ITPR3: variants seen among roughly 807,000 people sequenced by gnomAD.
ITPR3 encodes the protein inositol 1,4,5-trisphosphate-gated calcium channel ITPR3.
In ITPR3, 173 loss-of-function variants were observed where a neutral mutation model predicts 293.2. That is an observed-to-expected ratio of 0.59 (90% confidence interval 0.52 to 0.67). The LOEUF is 0.67. ITPR3 is among the 30% of genes least tolerant of loss of function. The pLI, the probability that ITPR3 is intolerant of heterozygous loss-of-function variation, is 0.00. For synonymous variants in ITPR3, 1,295 were observed against 1,444.4 expected (o/e 0.90, Z 2.35); for missense variants, 2,796 against 3,592.1 (o/e 0.78, Z 5.66).
intron 1 of ITPR3, among the ~76,000 whole-genome samples, chr6:33,626,654 G>C (rs1339120555): frequency 6.6e-6 from 1 of 152,228 alleles, no homozygotes; most frequent in Non-Finnish European, 1.5e-5. Context: ...TGCAGAATCA[G>C]TGGTACCCAA....
Position 33,682,705 on chromosome 6 carries a change from C to T in ITPR3, c.4597+61C>T, listed in dbSNP as rs1006564971. The T allele has an allele frequency of 5.8e-5, 90 of 1,539,122 alleles. No homozygotes were observed. Among genetic ancestry groups the T allele is most frequent in the Non-Finnish European group, 6.9e-5 (80 of 1,151,636 alleles). On this transcript the variant is annotated intron_variant, in intron 34 of 57. Coordinates refer to ENST00000605930, the MANE Select transcript of ITPR3 (RefSeq NM_002224.4). This position sits in a 1 kb window ranked among gnomAD's most constrained non-coding sequence, Gnocchi z 5.4. ...CTCCTCCTGCCGCTCACAGTGGGGA[C>T]GCCTGCCCTCCTAATAAACACTTTA...
At position 33,683,068 on chromosome 6, in the gene ITPR3, C is replaced by T. The variant is rs1347821198; in HGVS notation, c.4598-139C>T. The T allele has an allele frequency of 2.3e-5, 12 of 518,700 alleles. No homozygotes were observed. The highest frequency in any genetic ancestry group is 1.8e-4 in the Admixed American group (3 of 16,914). The allele number at this position is 518,700 out of a possible 1,614,324, so 32.1% of individuals were successfully genotyped here. ...GCCTCTCAGTCCCTCAAGCATAGGC[C>T]GGGGTGGGGGGGGTCTCTGTCTCCC... On this transcript the variant is annotated intron_variant, in intron 34 of 57. Coordinates refer to ENST00000605930, the MANE Select transcript of ITPR3 (RefSeq NM_002224.4). The surrounding 1 kb of genome is among the most constrained non-coding windows in gnomAD (Gnocchi z 4.5).
At chr6:33,689,038 A>G (rs1184578648) in intron 49 of ITPR3, among the ~76,000 whole-genome samples, 200 bp from the exon 50 acceptor site, 2 of 152,222 alleles carry the variant, frequency 1.3e-5, no homozygotes, top group Admixed American at 6.5e-5. Context: ...TCAGCCAGAA[A>G]CAAAACCTGG....
chr6:33,676,836 G>A lies in ITPR3; in HGVS notation c.3351G>A (p.Leu1117=). 6.2e-7 allele frequency: 1 copy of A among 1,614,158 alleles called. No homozygotes were observed. Among genetic ancestry groups the A allele is most frequent in the Non-Finnish European group, 8.5e-7 (1 of 1,179,996 alleles). Reference sequence around the variant, plus strand: ...TGATCAAGTCGGAGCTGGACCGGCTGCGGACCATGGTGGAGAAGTCAGAGC... The same window carrying A: ...TGATCAAGTCGGAGCTGGACCGGCTACGGACCATGGTGGAGAAGTCAGAGC... The part of the protein sequence containing the change: ...YKVIKSELDR[L]RTMVEKSELW... Residue 1117 remains leucine (L), a synonymous_variant, in exon 26 of 58, where the codon CTG becomes CTA. Coordinates refer to ENST00000605930, the MANE Select transcript of ITPR3 (RefSeq NM_002224.4).
chr6:33,695,652 C>T, intron 57 of ITPR3, 60 bp from the exon 58 acceptor site: 1 of 1,531,904 alleles, frequency 6.5e-7, no homozygotes, highest in Non-Finnish European at 9.0e-7. Context: ...TTCCACAGCA[C>T]CCATGGAGGG....
Position 33,667,787 on chromosome 6 carries a change from C to G in ITPR3, c.1714-5C>G, listed in dbSNP as rs200888383. ...CTGTGACCCCCAGCCTGTCTGCCCCCCCAGGAGCACATTGCCAAGCAGTTT... is the reference window on the plus strand; with the variant it reads ...CTGTGACCCCCAGCCTGTCTGCCCCGCCAGGAGCACATTGCCAAGCAGTTT... On this transcript the variant is annotated splice_polypyrimidine_tract_variant and splice_region_variant and intron_variant, in intron 15 of 57. Coordinates refer to ENST00000605930, the MANE Select transcript of ITPR3 (RefSeq NM_002224.4). The surrounding 1 kb of genome is among the most constrained non-coding windows in gnomAD (Gnocchi z 4.4). 3.0e-5 allele frequency: 49 copies of G among 1,613,946 alleles called. No homozygotes were observed. Among genetic ancestry groups the G allele is most frequent in the South Asian group, 1.3e-4 (12 of 91,070 alleles).
chr6:33,687,590 TG>T lies in ITPR3; in HGVS notation c.6264+31del. The T allele has an allele frequency of 8.4e-7, 1 of 1,196,020 alleles. No individual in the cohort carries two copies. Among genetic ancestry groups the T allele is most frequent in the Non-Finnish European group, 1.2e-6 (1 of 825,834 alleles). The allele number at this position is 1,196,020 out of a possible 1,614,324, so 74.1% of individuals were successfully genotyped here. A position where few individuals can be genotyped will look rare whatever the true frequency, so the allele number is the denominator to read the frequency against. ...GTGGGTGCTGGCCCCGAGACTGGGGTGGGGGTGGGGCCTGGAACCCAGGGAG... is the reference window on the plus strand; with the variant it reads ...GTGGGTGCTGGCCCCGAGACTGGGGTGGGGTGGGGCCTGGAACCCAGGGAG... On this transcript the variant is annotated intron_variant, in intron 46 of 57. Coordinates refer to ENST00000605930, the MANE Select transcript of ITPR3 (RefSeq NM_002224.4). The surrounding 1 kb of genome is among the most constrained non-coding windows in gnomAD (Gnocchi z 5.3).
chr6:33,694,675 A>G (rs980142483), intron 56 of ITPR3: 2 of 520,194 alleles, frequency 3.8e-6, no homozygotes, highest in African/African-American at 3.9e-5. Flanking sequence ...AAGGACTCAA[A>G]CTCAGCTGCC....
At chr6:33,637,998 T>C (rs1208973153) in intron 1 of ITPR3, among the ~76,000 whole-genome samples, 6 of 150,872 alleles carry the variant, frequency 4.0e-5, no homozygotes. Context: ...GTTTTTTGTT[T>C]TGTTTTGTTT....
Position 33,687,265 on chromosome 6 carries a change from C to A in ITPR3, c.6115C>A (p.Arg2039Ser), listed in dbSNP as rs150307621. 6.2e-7 allele frequency: 1 copy of A among 1,613,582 alleles called. No homozygotes were observed. Among genetic ancestry groups the A allele is most frequent in the Non-Finnish European group, 8.5e-7 (1 of 1,179,608 alleles). ...GAAGGCCTACCTGCAGGAGGAAGAG[C>A]GTGAGAACTCGGAGGTGAGCCCACG... ...IKKAYLQEEE[R>S]ENSEVSPREV... The change falls in exon 45 of 58, where the codon CGT becomes AGT. Residue 2039 changes from arginine to serine, a missense_variant. Transcript: ENST00000605930. The surrounding 1 kb of genome is among the most constrained non-coding windows in gnomAD (Gnocchi z 5.3).
At chr6:33,693,360 A>C (rs1175017814) in intron 55 of ITPR3, among the ~76,000 whole-genome samples, 185 bp from the exon 56 acceptor site, 1 of 152,158 alleles carries the variant, frequency 6.6e-6, no homozygotes, top group Non-Finnish European at 1.5e-5. Flanking sequence ...GCGGCAGGGC[A>C]GGATCTCCAC....
In ITPR3 at chr6:33,695,023, C is replaced by T. The variant is rs1460072685; in HGVS notation, c.7885C>T (p.Leu2629Phe). 4 of 1,614,126 alleles carry T rather than the reference C, an allele frequency of 2.5e-6. No individual in the cohort carries two copies. Among genetic ancestry groups the T allele is most frequent in the South Asian group, 1.1e-5 (1 of 91,080 alleles). ...QNEIRILQDK[L>F]NSTMKLVSHL... ...TGAGATTCGGATTCTCCAGGACAAG[C>T]TCAACTCCACCATGAAGCTGGTGTC... Residue 2629 changes from leucine (L) to phenylalanine (F), a missense_variant, in exon 57 of 58, where the codon CTC (leucine) becomes TTC (phenylalanine). Around this residue, in one of 8 missense-constraint regions of ITPR3, gnomAD observed 568 missense variants for 796.1 expected, o/e 0.71. Transcript: ENST00000605930.
intron 2 of ITPR3, among the ~76,000 whole-genome samples, chr6:33,653,216 A>AT (rs1219783217): frequency 6.8e-6 from 1 of 146,710 alleles, no homozygotes; most frequent in East Asian, 2.0e-4. Flanking sequence ...CTAATTTTTT[A>AT]TTTTTTTAAA....
Position 33,686,528 on chromosome 6 carries a change from C to T in ITPR3, c.5979+9C>T. ...TGGTGCTGCAGCTCAAGGTGGGGCC[C>T]AGTGGCAGGTGTGTGAGTGCTGGGT... On this transcript the variant is annotated intron_variant, in intron 43 of 57. Transcript: ENST00000605930. 6.2e-7 allele frequency: 1 copy of T among 1,605,854 alleles called. No homozygotes were observed. Among genetic ancestry groups the T allele is most frequent in the Non-Finnish European group, 8.5e-7 (1 of 1,172,468 alleles).
chr6:33,648,206 C>A (rs1205110259), intron 2 of ITPR3, among the ~76,000 whole-genome samples: 1 of 151,898 alleles, frequency 6.6e-6, no homozygotes, highest in Non-Finnish European at 1.5e-5. Context: ...GCTGGGATTA[C>A]AGGTGTGCGT....
chr6:33,626,293 A>C (rs1343974522), intron 1 of ITPR3, among the ~76,000 whole-genome samples: 2 of 152,120 alleles, frequency 1.3e-5, no homozygotes, highest in East Asian at 3.9e-4. Flanking sequence ...GTCAGCCTGC[A>C]TTATCCTCTA....
chr6:33,668,937 A>G, intron 17 of ITPR3, 37 bp from the exon 18 acceptor site: 1 of 1,604,208 alleles, frequency 6.2e-7, no homozygotes, highest in Non-Finnish European at 8.5e-7. Context: ...AGTGCCCTGG[A>G]CCTGGCTCCC....
intron 29 of ITPR3, 41 bp from the exon 30 acceptor site, chr6:33,678,597 GC>G (rs1166002128): frequency 6.4e-7 from 1 of 1,570,074 alleles, no homozygotes; most frequent in Non-Finnish European, 8.7e-7. Flanking sequence ...GGGGGTGGGG[GC>G]GGGGCCCAGA....
chr6:33,668,729 G>C (rs1319308878), intron 17 of ITPR3, 95 bp downstream of exon 17: 2 of 1,565,752 alleles, frequency 1.3e-6, no homozygotes, highest in Non-Finnish European at 1.7e-6. Flanking sequence ...GGCTGGAACT[G>C]GCACCCTTGC....
Sources: gnomAD v4.1 joint callset for allele counts (sites outside exome capture counted in the v4.1 genomes callset) on GRCh38, gnomAD v4.1.1 for gene constraint, gnomAD v4.1.1 regional missense constraint, Gnocchi (gnomAD v3.1) non-coding constraint, MANE v1.5 for transcripts, NCBI Gene and HGNC (gene_info 2026-07-23, HGNC 2026-07-21) for gene names.